FAM234B: variants seen among roughly 807,000 people sequenced by gnomAD.
FAM234B encodes the protein family with sequence similarity 234 member B.
A neutral mutation model predicts 69.3 loss-of-function variants in FAM234B; 33 were observed. The ratio of observed to expected loss-of-function variants is 0.48; its 90% CI spans 0.36 to 0.64. FAM234B has a LOEUF of 0.64. Among genes scored for constraint, FAM234B ranks in the 30% least tolerant of loss-of-function variants. The probability of loss-of-function intolerance (pLI) is 0.00; values close to 1 mark genes in which losing one functional copy is unlikely to be tolerated. For synonymous variants in FAM234B, 306 were observed against 306.9 expected, an observed-to-expected ratio of 1.00 and a Z score of 0.03; for missense variants, 697 against 769.7, an observed-to-expected ratio of 0.91 and a Z score of 1.12.
chr12:13,053,306 AT>A (rs1169504254), intron 1 of FAM234B, among the ~76,000 whole-genome samples: 1 of 152,100 alleles, frequency 6.6e-6, no homozygotes, highest in Non-Finnish European at 1.5e-5. Flanking sequence ...AAATTTATTG[AT>A]TTTTTTAATG....
chr12:13,076,212 T>C lies in FAM234B; in HGVS notation c.1642+69T>C, dbSNP rs1591603105. ...GAGAGTATGTGTTGGCTGTGTGTAATGAGACCATTGCCCCACCCAGGGAAG... is the reference window on the plus strand; with the variant it reads ...GAGAGTATGTGTTGGCTGTGTGTAACGAGACCATTGCCCCACCCAGGGAAG... On this transcript the variant is annotated intron_variant, in intron 11 of 12. Coordinates refer to ENST00000197268, the MANE Select transcript of FAM234B (RefSeq NM_020853.2). 7 of 1,160,656 alleles carry C rather than the reference T, an allele frequency of 6.0e-6. No homozygotes were observed. In the East Asian group the frequency reaches 1.7e-4, roughly 27 times the overall value. 71.9% of individuals were successfully genotyped at this position (1,160,656 alleles called of 1,614,324 possible). A position where few individuals can be genotyped will look rare whatever the true frequency, so the allele number is the denominator to read the frequency against.
intron 9 of FAM234B, among the ~76,000 whole-genome samples, chr12:13,070,263 A>G (rs1450181479): frequency 6.6e-6 from 1 of 150,404 alleles, no homozygotes; most frequent in Non-Finnish European, 1.5e-5. Flanking sequence ...GTGTCTCTAG[A>G]CTTCTCTTTT....
chr12:13,072,690 A>G (rs1865119314), intron 10 of FAM234B, among the ~76,000 whole-genome samples: 1 of 150,592 alleles, frequency 6.6e-6, no homozygotes, highest in South Asian at 2.1e-4. Flanking sequence ...AGATCATGCA[A>G]TTGCACTCCA....
rs764469409 is a variant in FAM234B, at chr12:13,067,205, C to T, written c.1051C>T (p.Arg351Ter). 6 of 1,614,022 alleles carry T rather than the reference C, an allele frequency of 3.7e-6. No individual in the cohort carries two copies. The highest frequency in any genetic ancestry group is 2.2e-5 in the East Asian group (1 of 44,880). The stretch of plus-strand genomic sequence containing the variant: ...GGACATTTTTGTTCAGGCCCAAAAT[C>T]GAGACAGCTCACCACCTTCTCTGCA... ...LRDIFVQAQN[R>*]DSSPPSLQIE... The change falls in exon 7 of 13, where the codon CGA becomes TGA. Residue 351 changes from arginine (R) to a stop codon, truncating the protein, a stop_gained. Coordinates refer to ENST00000197268, the MANE Select transcript of FAM234B (RefSeq NM_020853.2). LOFTEE classifies it high-confidence loss of function. This position sits in a 1 kb window ranked among gnomAD's most constrained non-coding sequence, Gnocchi z 4.7.
In FAM234B at chr12:13,079,851, G is replaced by A. The variant is rs575485650; in HGVS notation, c.1705G>A (p.Glu569Lys). 8.7e-5 allele frequency: 140 copies of A among 1,613,936 alleles called. No individual in the cohort carries two copies. Among genetic ancestry groups the A allele is most frequent in the East Asian group, 3.8e-4 (17 of 44,888 alleles). ...TACCAGGACAACAGGGCCAAGCTCC[G>A]AAGGCCATCCAGCAGCCCTGGTGGT... ...YVTRTTGPSS[E>K]GHPAALVVSK... The change falls in exon 12 of 13, where the codon GAA (glutamate) becomes AAA (lysine). Residue 569 changes from glutamate (E) to lysine (K), a missense_variant. Physicochemically the swap from Glu to Lys is moderately conservative, Grantham distance 56. This residue lies in a region of FAM234B where 313 missense variants were observed against 305.5 expected (regional missense o/e 1.02). Transcript: ENST00000197268.
rs549200113 is a variant in FAM234B, at chr12:13,061,621, T to C, written c.579T>C (p.Asn193=). 16 of 1,614,006 alleles carry C rather than the reference T, an allele frequency of 9.9e-6. No homozygotes were observed. The highest frequency in any genetic ancestry group is 1.3e-5 in the Non-Finnish European group (15 of 1,179,958). ...ATCTTGTATGCCTTTCGGGGATGAA[T>C]GGCAGCACACTGTGGTCTAGTCTTC... ...AANLVCLSGM[N]GSTLWSSLLP... is the part of the protein sequence containing the mutation. Residue 193 remains asparagine, a synonymous_variant, in exon 4 of 13, where the codon AAT becomes AAC. Transcript: ENST00000197268.
intron 12 of FAM234B, among the ~76,000 whole-genome samples, chr12:13,080,241 A>G (rs986508928): frequency 1.3e-5 from 2 of 152,248 alleles, no homozygotes; most frequent in Middle Eastern, 3.4e-3. Flanking sequence ...ACATTTGACA[A>G]TGTGGGGTCG....
intron 2 of FAM234B, among the ~76,000 whole-genome samples, chr12:13,056,879 G>GT (rs1864935739): frequency 6.6e-6 from 1 of 151,184 alleles, no homozygotes; most frequent in Non-Finnish European, 1.5e-5. Context: ...TTTCTGTAAA[G>GT]TTTTACCATG....
chr12:13,055,719 C>A lies in FAM234B; in HGVS notation c.206C>A (p.Ala69Asp). 1 of 1,614,242 alleles carries A rather than the reference C, an allele frequency of 6.2e-7. No individual in the cohort carries two copies. The highest frequency in any genetic ancestry group is 1.1e-5 in the South Asian group (1 of 91,090). The change falls in exon 2 of 13, where the codon GCT becomes GAT. Residue 69 changes from alanine to aspartate, a missense_variant. Transcript: ENST00000197268. Reference protein sequence around the residue: ...EPDSDAEVAEAAKPHLSEVTT... With the variant: ...EPDSDAEVAEDAKPHLSEVTT... ...GACTCAGATGCTGAGGTTGCAGAGG[C>A]TGCAAAGCCACATCTTTCAGAAGTC...
In FAM234B at chr12:13,067,503, GGTGACCACAT is replaced by G; in HGVS notation, c.1142+212_1142+221del. ...CATAATGCGTTGATATCTATGTGTT[GGTGACCACAT>G]GTGATCACTCCTCAGGTAGGATGCA... On this transcript the variant is annotated intron_variant, in intron 7 of 12. Transcript: ENST00000197268. The surrounding 1 kb of genome is among the most constrained non-coding windows in gnomAD (Gnocchi z 4.7). Among the ~76,000 whole-genome samples, 1 of 152,162 alleles carries G rather than the reference GGTGACCACAT, an allele frequency of 6.6e-6. No homozygotes were observed. Among genetic ancestry groups the G allele is most frequent in the Middle Eastern group, 3.4e-3 (1 of 294 alleles).
intron 11 of FAM234B, among the ~76,000 whole-genome samples, chr12:13,078,452 G>A (rs1195974030): frequency 6.6e-6 from 1 of 152,146 alleles, no homozygotes; most frequent in Admixed American, 6.5e-5. Flanking sequence ...GGCAAAAACT[G>A]GAAGCATTCC....
intron 8 of FAM234B, 70 bp from the exon 9 acceptor site, chr12:13,068,560 G>A: frequency 1.9e-6 from 3 of 1,581,430 alleles, no homozygotes; most frequent in Non-Finnish European, 2.6e-6. Context: ...GCAAGAGAAG[G>A]GAGGGAGAGT....
chr12:13,071,163 A>AT (rs1865101106), intron 9 of FAM234B, 78 bp from the exon 10 acceptor site: 9 of 1,489,822 alleles, frequency 6.0e-6, no homozygotes, highest in African/African-American at 1.4e-5. Context: ...ATACCTGTGC[A>AT]TTTTTGTGTG....
chr12:13,075,855 T>C (rs181318905), intron 10 of FAM234B, among the ~76,000 whole-genome samples, 171 bp from the exon 11 acceptor site: 1 of 152,254 alleles, frequency 6.6e-6, no homozygotes, highest in Non-Finnish European at 1.5e-5. Context: ...TTGAAATATG[T>C]CTCTTATACA....
chr12:13,067,412 T>C lies in FAM234B; in HGVS notation c.1142+116T>C. The C allele has an allele frequency of 4.7e-6, 5 of 1,066,268 alleles. No individual in the cohort carries two copies. Among genetic ancestry groups the C allele is most frequent in the Non-Finnish European group, 6.9e-6 (5 of 723,962 alleles). The allele number at this position is 1,066,268 out of a possible 1,614,324, so 66.1% of individuals were successfully genotyped here. A position where few individuals can be genotyped will look rare whatever the true frequency, so the allele number is the denominator to read the frequency against. On this transcript the variant is annotated intron_variant, in intron 7 of 12. Coordinates refer to ENST00000197268, the MANE Select transcript of FAM234B (RefSeq NM_020853.2). The surrounding 1 kb of genome is among the most constrained non-coding windows in gnomAD (Gnocchi z 4.7). ...GTGGGTAGAGGTTTAGGGGAAACAG[T>C]GCTTATCTTAATTTACCATCTTCTG...
At position 13,075,610 on chromosome 12, in the gene FAM234B, C is replaced by CTT. The variant is rs5796522; in HGVS notation, c.1525-400_1525-399dup. On this transcript the variant is annotated intron_variant, in intron 10 of 12. Coordinates refer to ENST00000197268, the MANE Select transcript of FAM234B (RefSeq NM_020853.2). Reference sequence around the variant, plus strand: ...ACCACCAAGCCCAGCTTTTTTTTCTCTTTTTTTTTTTTTTTTTGTATTTTC... The same window carrying CTT: ...ACCACCAAGCCCAGCTTTTTTTTCTCTTTTTTTTTTTTTTTTTTTGTATTTTC... Among the ~76,000 whole-genome samples, 171 of 122,866 alleles carry CTT rather than the reference C, an allele frequency of 1.4e-3. 1 individual carries two copies. Among genetic ancestry groups the CTT allele is most frequent in the African/African-American group, 3.3e-3 (107 of 32,440 alleles). The allele number at this position is 122,866 out of a possible 152,430, so 80.6% of individuals were successfully genotyped here.
intron 2 of FAM234B, among the ~76,000 whole-genome samples, chr12:13,057,033 A>G (rs1864937759): frequency 6.9e-6 from 1 of 144,804 alleles, no homozygotes; most frequent in African/African-American, 2.6e-5. Flanking sequence ...GCTGGGGTGC[A>G]GTGGCATGAT....
chr12:13,057,632 G>T (rs1864944630), intron 2 of FAM234B, among the ~76,000 whole-genome samples: 1 of 152,176 alleles, frequency 6.6e-6, no homozygotes, highest in Admixed American at 6.5e-5. Context: ...TTCCAACATG[G>T]TTGTACCGAT....
At chr12:13,075,433 C>CTTTTT (rs59012504) in intron 10 of FAM234B, among the ~76,000 whole-genome samples, 22 of 137,506 alleles carry the variant, frequency 1.6e-4, no homozygotes, top group East Asian at 4.2e-4. Flanking sequence ...CTTTTCTTTT[C>CTTTTT]TTTTTTTTTT....
Sources: gnomAD v4.1 joint callset for allele counts (sites outside exome capture counted in the v4.1 genomes callset) on GRCh38, gnomAD v4.1.1 for gene constraint, gnomAD v4.1.1 regional missense constraint, Gnocchi (gnomAD v3.1) non-coding constraint, MANE v1.5 for transcripts, NCBI Gene and HGNC (gene_info 2026-07-23, HGNC 2026-07-21) for gene names.